The following LHFPL3 variants were observed in gnomAD, a reference collection of about 807,000 sequenced individuals.
The protein encoded by LHFPL3 is LHFPL tetraspan subfamily member 3, also known as LHFPL tetraspan subfamily member 3 protein.
LHFPL3 carries 5 observed loss-of-function variants against 19.3 expected under a neutral mutation model. The ratio of observed to expected loss-of-function variants is 0.26; its 90% confidence interval spans 0.14 to 0.54. LHFPL3 has a LOEUF of 0.54. Ranked by LOEUF, LHFPL3 falls within the 20% of genes least tolerant of loss-of-function variation. The pLI, the probability that LHFPL3 is intolerant of heterozygous loss-of-function variation, is 0.94. For synonymous variants in LHFPL3, 133 were observed against 126.2 expected, an observed-to-expected ratio of 1.05 and a Z score of -0.36; for missense variants, 249 against 307.4, an observed-to-expected ratio of 0.81 and a Z score of 1.42.
rs993574544 is a variant in LHFPL3 at position 104,812,219 on chromosome 7, C to T, written c.682+75308C>T. The stretch of plus-strand genomic sequence containing the variant: ...GAACTTCAATTCAGTAATTTGCTGG[C>T]GTGACCATTGCTGAAAGAGAGCCAG... On this transcript the variant is annotated intron_variant, in intron 2 of 2. Coordinates refer to ENST00000424859, the MANE Select transcript of LHFPL3 (RefSeq NM_199000.3). Among the ~76,000 whole-genome samples, 6 of 152,162 alleles carry T rather than the reference C, an allele frequency of 3.9e-5. No homozygotes were observed. In the East Asian group the frequency reaches 5.8e-4, roughly 15 times the overall value.
intron 2 of LHFPL3, among the ~76,000 whole-genome samples, chr7:104,756,097 G>A (rs1279973786): frequency 6.6e-6 from 1 of 152,092 alleles, no homozygotes; most frequent in Non-Finnish European, 1.5e-5. Context: ...TGTCCTTAAG[G>A]AAGTAGACAG....
chr7:104,363,492 G>T (rs1215123689), intron 1 of LHFPL3, among the ~76,000 whole-genome samples: 2 of 152,244 alleles, frequency 1.3e-5, no homozygotes, highest in African/African-American at 2.4e-5. Flanking sequence ...GCGCATGCAG[G>T]TGATGAGGTG....
intron 1 of LHFPL3, among the ~76,000 whole-genome samples, chr7:104,402,061 G>A (rs1399641216): frequency 6.6e-6 from 1 of 150,986 alleles, no homozygotes; most frequent in Non-Finnish European, 1.5e-5. Flanking sequence ...AGGCCACATG[G>A]GTATAATCAG....
intron 1 of LHFPL3, among the ~76,000 whole-genome samples, chr7:104,386,813 A>T (rs1343430475): frequency 1.3e-5 from 2 of 152,206 alleles, no homozygotes; most frequent in African/African-American, 4.8e-5. Flanking sequence ...AGATTATTTC[A>T]AGAAAGCCAC....
chr7:104,603,084 TTC>T (rs1258775845), intron 1 of LHFPL3, among the ~76,000 whole-genome samples: 220 of 120,360 alleles, frequency 1.8e-3, no homozygotes, highest in African/African-American at 7.2e-3. Flanking sequence ...CTTTCTTTCT[TTC>T]TTTCTTTCTT....
intron 1 of LHFPL3, among the ~76,000 whole-genome samples, chr7:104,696,635 G>C (rs1793001255): frequency 6.6e-6 from 1 of 152,112 alleles, no homozygotes; most frequent in South Asian, 2.1e-4. Flanking sequence ...TACTAAAGAA[G>C]AGAACCAATC....
chr7:104,853,009 G>A (rs1232196237), intron 2 of LHFPL3, among the ~76,000 whole-genome samples: 1 of 152,232 alleles, frequency 6.6e-6, no homozygotes, highest in African/African-American at 2.4e-5. Flanking sequence ...GGCACAGAGG[G>A]GAGGATCATA....
At chr7:104,601,728 T>TCAGCTCCAGTTAGAGTGCCC (rs1378807146) in intron 1 of LHFPL3, among the ~76,000 whole-genome samples, 1 of 152,168 alleles carries the variant, frequency 6.6e-6, no homozygotes, top group African/African-American at 2.4e-5. Flanking sequence ...CTGCTCGACT[T>TCAGCTCCAGTTAGAGTGCCC]CAGCTCCAGT....
chr7:104,840,474 CTTTTTTTTTTTTTTT>C (rs71155530), intron 2 of LHFPL3, among the ~76,000 whole-genome samples: 2 of 65,582 alleles, frequency 3.0e-5, no homozygotes, highest in South Asian at 9.4e-4. Flanking sequence ...TTTTCTTTTC[CTTTTTTTTTTTTTTT>C]TTTTTTTTTT....
chr7:104,422,088 C>T (rs1359255943), intron 1 of LHFPL3, among the ~76,000 whole-genome samples: 1 of 152,206 alleles, frequency 6.6e-6, no homozygotes, highest in African/African-American at 2.4e-5. Context: ...AGGCCGGGTG[C>T]AGTGGCTCAC....
intron 1 of LHFPL3, among the ~76,000 whole-genome samples, chr7:104,475,676 G>A (rs1792996006): frequency 6.6e-6 from 1 of 152,092 alleles, no homozygotes; most frequent in Non-Finnish European, 1.5e-5. Flanking sequence ...ATTTCATGTT[G>A]ATGATTTACA....
At chr7:104,886,771 T>C (rs1792156491) in intron 2 of LHFPL3, among the ~76,000 whole-genome samples, 1 of 152,362 alleles carries the variant, frequency 6.6e-6, no homozygotes, top group South Asian at 2.1e-4. Context: ...CCATTTACTG[T>C]ACATAAAACA....
rs138194835 is a variant in LHFPL3, at chr7:104,784,027, A to G, written c.682+47116A>G. 2.1e-3 allele frequency among the ~76,000 whole-genome samples: 326 copies of G among 152,334 alleles called. 1 individual carries two copies. Among genetic ancestry groups the G allele is most frequent in the African/African-American group, 7.6e-3 (318 of 41,582 alleles). On this transcript the variant is annotated intron_variant, in intron 2 of 2. Coordinates refer to ENST00000424859, the MANE Select transcript of LHFPL3 (RefSeq NM_199000.3). Reference sequence around the variant, plus strand: ...CACCAAGCTGAGGATGAGAGGCTCAATGTAGTGCCAACCCAGAGTGCTGCT... The same window carrying G: ...CACCAAGCTGAGGATGAGAGGCTCAGTGTAGTGCCAACCCAGAGTGCTGCT...
rs1383994851 is a variant in LHFPL3 at position 104,516,673 on chromosome 7, A to G, written c.445+187449A>G. 2.6e-5 allele frequency among the ~76,000 whole-genome samples: 4 copies of G among 152,148 alleles called. No homozygotes were observed. The East Asian group carries it at 5.8e-4, about 22-fold the overall frequency. The stretch of plus-strand genomic sequence containing the variant: ...GATGCTGGCGAGGTTGCAGAGAAAA[A>G]GGAATGCTTATACACTGTTGGTGGG... On this transcript the variant is annotated intron_variant, in intron 1 of 2. Transcript: ENST00000424859.
At chr7:104,634,929 A>T (rs1376760212) in intron 1 of LHFPL3, among the ~76,000 whole-genome samples, 1 of 152,230 alleles carries the variant, frequency 6.6e-6, no homozygotes, top group Non-Finnish European at 1.5e-5. Flanking sequence ...CCAAACAGGA[A>T]AACAGAGCTC....
At chr7:104,374,559 G>A (rs1790673382) in intron 1 of LHFPL3, among the ~76,000 whole-genome samples, 1 of 151,988 alleles carries the variant, frequency 6.6e-6, no homozygotes, top group Non-Finnish European at 1.5e-5. Flanking sequence ...GTATATTAAA[G>A]TTTCCTTGTA....
At chr7:104,481,743 C>A (rs891437340) in intron 1 of LHFPL3, among the ~76,000 whole-genome samples, 1 of 152,106 alleles carries the variant, frequency 6.6e-6, no homozygotes, top group Non-Finnish European at 1.5e-5. Context: ...TTCAATGCTC[C>A]TGAAATTATA....
intron 2 of LHFPL3, chr7:104,895,993 T>G (rs943969663): frequency 6.6e-6 from 1 of 152,298 alleles, no homozygotes; most frequent in Non-Finnish European, 1.5e-5. Flanking sequence ...CCTTGGCTTG[T>G]AGATGGCGGC....
At chr7:104,673,101 C>A (rs910490654) in intron 1 of LHFPL3, among the ~76,000 whole-genome samples, 1 of 152,086 alleles carries the variant, frequency 6.6e-6, no homozygotes, top group African/African-American at 2.4e-5. Flanking sequence ...TCCAGCAGAC[C>A]CCTGCAGGGT....
Sources: gnomAD v4.1 joint callset for allele counts (sites outside exome capture counted in the v4.1 genomes callset) on GRCh38, gnomAD v4.1.1 for gene constraint, MANE v1.5 for transcripts, NCBI Gene and HGNC (gene_info 2026-07-23, HGNC 2026-07-21) for gene names.